The following STAG3 variants were observed in gnomAD, a reference collection of about 807,000 sequenced individuals.
The protein encoded by STAG3 is cohesin subunit SA-3.
In STAG3, 101 loss-of-function variants were observed where a neutral mutation model predicts 160.7. The ratio of observed to expected loss-of-function variants is 0.63; its 90% confidence interval spans 0.54 to 0.74. STAG3 has a LOEUF of 0.74. Among genes scored for constraint, STAG3 ranks in the 30% least tolerant of loss-of-function variants. The probability of loss-of-function intolerance (pLI) is 0.00; values close to 1 mark genes in which losing one functional copy is unlikely to be tolerated. For synonymous variants in STAG3, 519 were observed against 585.0 expected (o/e 0.89, Z 1.63); for missense variants, 1,188 against 1,517.4 (o/e 0.78, Z 3.61).
chr7:100,184,555 C>G (rs1287713120), intron 4 of STAG3, among the ~76,000 whole-genome samples: 7 of 146,758 alleles, frequency 4.8e-5, no homozygotes, highest in Admixed American at 4.2e-4. Context: ...GCAACCTCCA[C>G]CTCCCGGGTT....
At chr7:100,205,557 T>C (rs1478654022) in intron 29 of STAG3, among the ~76,000 whole-genome samples, 173 bp downstream of exon 29, 1 of 152,104 alleles carries the variant, frequency 6.6e-6, no homozygotes, top group Non-Finnish European at 1.5e-5. Context: ...GAGGGCCAGG[T>C]GTGGTGGCTC....
intron 29 of STAG3, among the ~76,000 whole-genome samples, chr7:100,209,308 A>G (rs1801953728): frequency 6.6e-6 from 1 of 152,110 alleles, no homozygotes; most frequent in Non-Finnish European, 1.5e-5. Flanking sequence ...CAGGTGAGGG[A>G]GGGTGCTTAG....
At chr7:100,217,794 G>A (rs570304362), downstream of STAG3, among the ~76,000 whole-genome samples, 1 of 152,264 alleles carries the variant, frequency 6.6e-6, no homozygotes, top group Non-Finnish European at 1.5e-5. Flanking sequence ...GCTCTTCTCA[G>A]AAAGATCAAA....
chr7:100,201,023 C>T (rs1801080786), intron 19 of STAG3, 54 bp downstream of exon 19: 1 of 1,613,758 alleles, frequency 6.2e-7, no homozygotes, highest in African/African-American at 1.3e-5. Context: ...GGAGGGGCTG[C>T]AAGACGGGGG....
At chr7:100,215,992 T>C (rs1013545307), downstream of STAG3, among the ~76,000 whole-genome samples, 6 of 152,160 alleles carry the variant, frequency 3.9e-5, no homozygotes, top group Non-Finnish European at 7.4e-5. Flanking sequence ...CACGTGTAGG[T>C]GTTCCTGCCA....
At chr7:100,185,360 G>A (rs1187728160) in intron 4 of STAG3, among the ~76,000 whole-genome samples, 1 of 152,154 alleles carries the variant, frequency 6.6e-6, no homozygotes, top group Non-Finnish European at 1.5e-5. Flanking sequence ...ACTTTGGGAG[G>A]CTAAGGTGGA....
intron 5 of STAG3, among the ~76,000 whole-genome samples, chr7:100,186,834 A>C (rs1232205153): frequency 1.3e-5 from 2 of 152,144 alleles, no homozygotes; most frequent in Non-Finnish European, 2.9e-5. Context: ...AAATTTGAAG[A>C]CACCCTTTGG....
downstream of STAG3, among the ~76,000 whole-genome samples, chr7:100,218,044 A>C (rs1043910306): frequency 6.7e-6 from 1 of 149,880 alleles, no homozygotes; most frequent in African/African-American, 2.4e-5. Flanking sequence ...CGGTCTGCTA[A>C]GTAACAGTTA....
At chr7:100,202,688 G>A in intron 25 of STAG3, 98 bp downstream of exon 25, 1 of 1,470,228 alleles carries the variant, frequency 6.8e-7, no homozygotes. Flanking sequence ...GATATCCAAT[G>A]GTTTCAAGCT....
At chr7:100,190,753 C>T (rs942696391) in intron 8 of STAG3, among the ~76,000 whole-genome samples, 25 of 152,156 alleles carry the variant, frequency 1.6e-4, no homozygotes, top group Admixed American at 1.6e-3. Flanking sequence ...TTCCTTACTT[C>T]CTTAATGTCC....
In STAG3 at chr7:100,198,949, G is replaced by C; in HGVS notation, c.1459G>C (p.Glu487Gln). ...CCAGCTTCTGCTGTCCTTCTTTGTG[G>C]AGAGCGAGGTGACATACACAGAGAG... is the stretch of plus-strand genomic sequence containing the variant. ...FFQLLLSFFV[E>Q]SELHDHAAYL... Residue 487 changes from glutamate (E) to glutamine (Q), a missense_variant, in exon 14 of 34, where the codon GAG becomes CAG. By Grantham distance (29) the Glu-to-Gln change is conservative. Coordinates refer to ENST00000615138, the MANE Select transcript of STAG3 (RefSeq NM_001282717.2). 6.2e-7 allele frequency: 1 copy of C among 1,608,018 alleles called. No individual in the cohort carries two copies. Among genetic ancestry groups the C allele is most frequent in the South Asian group, 1.1e-5 (1 of 90,776 alleles).
chr7:100,212,071 G>T (rs1584789587), intron 32 of STAG3, 195 bp downstream of exon 32: 5 of 523,946 alleles, frequency 9.5e-6, no homozygotes, highest in South Asian at 5.5e-5. Flanking sequence ...ATAAGGAAAA[G>T]AAATTACAAA....
rs1451187115 is a variant in STAG3 at position 100,204,784 on chromosome 7, T to C, written c.2951+9T>C. On this transcript the variant is annotated intron_variant, in intron 27 of 33. Transcript: ENST00000615138. ...GTGGTCATGCTACACAAGTAGGAAG[T>C]ATTGGTTGCAGGTTGTGTCCAGGGA... 1.2e-6 allele frequency: 2 copies of C among 1,612,142 alleles called. No homozygotes were observed. The highest frequency in any genetic ancestry group is 1.7e-6 in the Non-Finnish European group (2 of 1,179,542).
At chr7:100,204,981 C>T in intron 27 of STAG3, 24 bp from the exon 28 acceptor site, 1 of 1,610,124 alleles carries the variant, frequency 6.2e-7, no homozygotes, top group Non-Finnish European at 8.5e-7. Flanking sequence ...GACTTTCTTC[C>T]TAAAATAATT....
At chr7:100,178,303 C>T (rs1799405665) in intron 1 of STAG3, among the ~76,000 whole-genome samples, 1 of 152,168 alleles carries the variant, frequency 6.6e-6, no homozygotes, top group Admixed American at 6.6e-5. Flanking sequence ...GCGCACCTGC[C>T]TTTCCTCCTT....
Position 100,200,255 on chromosome 7 carries a change from G to T in STAG3, c.1697G>T (p.Arg566Leu). The T allele has an allele frequency of 6.2e-7, 1 of 1,612,138 alleles. No homozygotes were observed. Among genetic ancestry groups the T allele is most frequent in the South Asian group, 1.1e-5 (1 of 90,882 alleles). ...TTCCAGGGCTTAACCTCTAAGGAGC[G>T]CAAGACCCAAGCCGATGACAGGGTG... Reference protein sequence around the residue: ...TGRKGLTSKERKTQADDRVKL... With the variant: ...TGRKGLTSKELKTQADDRVKL... Residue 566 changes from arginine to leucine, a missense_variant, in exon 17 of 34, where the codon CGC (arginine) becomes CTC (leucine). Physicochemically the swap from Arg to Leu is moderately radical, Grantham distance 102 (BLOSUM62 -2). This residue lies in a region of STAG3 where 240 missense variants were observed against 358.1 expected (regional missense o/e 0.67). Coordinates refer to ENST00000615138, the MANE Select transcript of STAG3 (RefSeq NM_001282717.2).
intron 32 of STAG3, 178 bp from the exon 33 acceptor site, chr7:100,213,557 C>G (rs770800757): frequency 1.2e-4 from 121 of 985,164 alleles, no homozygotes; most frequent in Non-Finnish European, 1.4e-4. Flanking sequence ...GGCCAAGAAG[C>G]GCTCTGCAGT....
chr7:100,196,972 A>G (rs557074749), intron 9 of STAG3, among the ~76,000 whole-genome samples, 184 bp from the exon 10 acceptor site: 16 of 152,342 alleles, frequency 1.1e-4, no homozygotes, highest in Non-Finnish European at 2.2e-4. Flanking sequence ...ATCCCTTAAA[A>G]AAAATATTTA....
At chr7:100,215,839 A>G (rs12113873), downstream of STAG3, among the ~76,000 whole-genome samples, 362 of 152,248 alleles carry the variant, frequency 2.4e-3, 2 homozygotes, top group African/African-American at 8.1e-3. Context: ...ATAGAAGATG[A>G]TAGAAATGAT....
Sources: gnomAD v4.1 joint callset for allele counts (sites outside exome capture counted in the v4.1 genomes callset) on GRCh38, gnomAD v4.1.1 for gene constraint, gnomAD v4.1.1 regional missense constraint, MANE v1.5 for transcripts, NCBI Gene and HGNC (gene_info 2026-07-23, HGNC 2026-07-21) for gene names.